OXR1: variants seen among roughly 807,000 people sequenced by gnomAD.
OXR1 encodes the protein oxidation resistance protein 1.
OXR1 carries 41 observed loss-of-function variants against 104.6 expected under a neutral mutation model. That is an observed-to-expected ratio of 0.39 (90% confidence interval 0.31 to 0.51). The LOEUF (loss-of-function observed/expected upper bound fraction) is 0.51, where lower values mean the gene tolerates loss of function less well. Ranked by LOEUF, OXR1 falls within the 20% of genes least tolerant of loss-of-function variation. OXR1 has a pLI of 0.77. For synonymous variants in OXR1, 348 were observed against 348.4 expected (o/e 1.00, Z 0.01); for missense variants, 955 against 1,031.9 (o/e 0.93, Z 1.02).
chr8:106,678,363 A>G (rs962509916), intron 3 of OXR1, among the ~76,000 whole-genome samples: 3 of 152,040 alleles, frequency 2.0e-5, no homozygotes, highest in Non-Finnish European at 4.4e-5. Flanking sequence ...TTTGAAAACT[A>G]TAGTTTTTAA....
chr8:106,586,584 G>C (rs1372521195), intron 3 of OXR1, among the ~76,000 whole-genome samples: 1 of 152,188 alleles, frequency 6.6e-6, no homozygotes, highest in Non-Finnish European at 1.5e-5. Flanking sequence ...ATTGATTTAG[G>C]AGTCTTCAAT....
At chr8:106,359,371 G>T in intron 1 of OXR1, 105 bp from the exon 2 acceptor site, 1 of 429,102 alleles carries the variant, frequency 2.3e-6, no homozygotes, top group Non-Finnish European at 4.2e-6. Context: ...TATTTTTTGT[G>T]TGTATCTTAT....
intron 11 of OXR1, among the ~76,000 whole-genome samples, chr8:106,726,743 C>A (rs531767023): frequency 6.6e-6 from 1 of 152,210 alleles, no homozygotes; most frequent in East Asian, 1.9e-4. Flanking sequence ...AAGAATCTGA[C>A]TAAAAGGTTT....
At chr8:106,703,496 C>G (rs1288801798) in intron 8 of OXR1, among the ~76,000 whole-genome samples, 3 of 151,020 alleles carry the variant, frequency 2.0e-5, no homozygotes, top group Non-Finnish European at 4.4e-5. Flanking sequence ...AAAGAGCTGA[C>G]ATTGCTGTGG....
chr8:106,733,472 A>G (rs1343843874), intron 11 of OXR1, among the ~76,000 whole-genome samples: 2 of 152,006 alleles, frequency 1.3e-5, no homozygotes, highest in African/African-American at 4.8e-5. Context: ...TAATCTATTG[A>G]TTTCTGCTCT....
chr8:106,468,461 C>T (rs1821305798), intron 2 of OXR1, among the ~76,000 whole-genome samples: 1 of 151,702 alleles, frequency 6.6e-6, no homozygotes, highest in South Asian at 2.1e-4. Flanking sequence ...GTATTCTGGG[C>T]CAAAGGAATA....
At chr8:106,460,162 T>C (rs1423956281) in intron 2 of OXR1, among the ~76,000 whole-genome samples, 17 of 152,208 alleles carry the variant, frequency 1.1e-4, no homozygotes, top group Admixed American at 1.1e-3. Flanking sequence ...AATTTACTTT[T>C]AACACCATTG....
intron 1 of OXR1, among the ~76,000 whole-genome samples, chr8:106,279,203 G>A (rs1363216697): frequency 2.0e-5 from 3 of 152,072 alleles, no homozygotes; most frequent in African/African-American, 7.2e-5. Context: ...AACAGAGAAA[G>A]CATAAAGTCA....
chr8:106,590,363 C>T (rs538446842), intron 3 of OXR1, among the ~76,000 whole-genome samples: 49 of 152,356 alleles, frequency 3.2e-4, no homozygotes, highest in African/African-American at 1.1e-3. Flanking sequence ...TCTTGGCTCA[C>T]TGCAATCTCT....
chr8:106,549,401 A>G (rs754579582), intron 3 of OXR1, among the ~76,000 whole-genome samples: 3 of 152,216 alleles, frequency 2.0e-5, no homozygotes, highest in Non-Finnish European at 2.9e-5. Context: ...GAATTTGTGA[A>G]TAAATATTGA....
intron 2 of OXR1, among the ~76,000 whole-genome samples, chr8:106,477,007 C>CA (rs1260532117): frequency 6.6e-6 from 1 of 151,960 alleles, no homozygotes; most frequent in African/African-American, 2.4e-5. Context: ...TCTCTTTTCA[C>CA]AATGGTCCCT....
chr8:106,641,462 T>C lies in OXR1; in HGVS notation c.221-37748T>C, dbSNP rs1823622263. 2.6e-5 allele frequency among the ~76,000 whole-genome samples: 4 copies of C among 152,176 alleles called. No individual in the cohort carries two copies. In the South Asian group the frequency reaches 8.3e-4, roughly 32 times the overall value. Reference sequence around the variant, plus strand: ...ACTAAAGTACGAGTGTTAAAGAATATTGAATATTGTGTCTAGATACAGGAT... The same window carrying C: ...ACTAAAGTACGAGTGTTAAAGAATACTGAATATTGTGTCTAGATACAGGAT... On this transcript the variant is annotated intron_variant, in intron 3 of 16. Transcript: ENST00000517566.
intron 1 of OXR1, among the ~76,000 whole-genome samples, chr8:106,321,262 T>A (rs1443873586): frequency 6.6e-6 from 1 of 152,250 alleles, no homozygotes; most frequent in Non-Finnish European, 1.5e-5. Flanking sequence ...TTTTTCCACA[T>A]TAAATGTTTT....
At chr8:106,516,245 GGCTGTCCCATATATA>G (rs1228288224) in intron 2 of OXR1, among the ~76,000 whole-genome samples, 3 of 152,050 alleles carry the variant, frequency 2.0e-5, no homozygotes, top group Non-Finnish European at 4.4e-5. Context: ...AGCCCTACTT[GGCTGTCCCATATATA>G]GCAGTACAAA....
At chr8:106,270,485 G>T (rs1231267448) in intron 1 of OXR1, 118 bp downstream of exon 1, 2 of 152,578 alleles carry the variant, frequency 1.3e-5, no homozygotes, top group African/African-American at 4.8e-5. Flanking sequence ...TGCCCCCTGT[G>T]CCTGGCGCCT....
Position 106,697,779 on chromosome 8 carries a change from C to T in OXR1, c.675+4902C>T. 6 of 1,613,186 alleles carry T rather than the reference C, an allele frequency of 3.7e-6. No individual in the cohort carries two copies. The Middle Eastern group carries it at 8.4e-4, about 226-fold the overall frequency. Reference sequence around the variant, plus strand: ...AGGCCATGGTGGAGGCCTGGATCTTCTTTACTGGGACCTGCCCCTTGGGGT... The same window carrying T: ...AGGCCATGGTGGAGGCCTGGATCTTTTTTACTGGGACCTGCCCCTTGGGGT... On this transcript the variant is annotated intron_variant, in intron 7 of 16. Transcript: ENST00000517566.
intron 2 of OXR1, among the ~76,000 whole-genome samples, chr8:106,374,019 C>G (rs1222861673): frequency 1.3e-5 from 2 of 152,238 alleles, no homozygotes; most frequent in African/African-American, 4.8e-5. Context: ...ACAGAAGTCA[C>G]TCGTGTATCT....
At chr8:106,547,638 G>T (rs1305892931) in intron 3 of OXR1, among the ~76,000 whole-genome samples, 1 of 151,714 alleles carries the variant, frequency 6.6e-6, no homozygotes, top group East Asian at 1.9e-4. Flanking sequence ...GATAACAGGT[G>T]CACATGACCA....
At chr8:106,561,260 G>A (rs1456371740) in intron 3 of OXR1, among the ~76,000 whole-genome samples, 2 of 152,156 alleles carry the variant, frequency 1.3e-5, no homozygotes, top group Admixed American at 1.3e-4. Context: ...ACAGTCTGAA[G>A]TCAACCTGGG....
Sources: gnomAD v4.1 joint callset for allele counts (sites outside exome capture counted in the v4.1 genomes callset) on GRCh38, gnomAD v4.1.1 for gene constraint, MANE v1.5 for transcripts, NCBI Gene and HGNC (gene_info 2026-07-23, HGNC 2026-07-21) for gene names.